SNED1: variants seen among roughly 807,000 people sequenced by gnomAD.
SNED1 encodes sushi, nidogen and EGF-like domain-containing protein 1.
A neutral mutation model predicts 166.7 loss-of-function variants in SNED1; 81 were observed. The observed-to-expected ratio is 0.49, with a 90% CI of 0.41 to 0.58. The LOEUF is 0.58. Ranked by LOEUF, SNED1 falls within the 20% of genes least tolerant of loss-of-function variation. The pLI is 0.00. For missense variants in SNED1, 1,604 were observed against 2,000.2 expected, an observed-to-expected ratio of 0.80 and a Z score of 3.78; for synonymous variants, 762 against 822.0, an observed-to-expected ratio of 0.93 and a Z score of 1.25.
chr2:241,045,013 G>A (rs1044517871), intron 8 of SNED1, among the ~76,000 whole-genome samples: 8 of 152,154 alleles, frequency 5.3e-5, no homozygotes, highest in East Asian at 1.9e-4. Context: ...CAAGTTGAAG[G>A]AATCTGTGTA....
Position 241,075,486 on chromosome 2 carries a change from T to C in SNED1, c.3916+2122T>C, listed in dbSNP as rs920220283. On this transcript the variant is annotated intron_variant, in intron 27 of 31. Transcript: ENST00000310397. This position sits in a 1 kb window ranked among gnomAD's most constrained non-coding sequence, Gnocchi z 4.8. ...ACTGATGTGACTGCGCCTCTCCTCATGGGCATCCACCAAAGGTGTTTGCTT... is the reference window on the plus strand; with the variant it reads ...ACTGATGTGACTGCGCCTCTCCTCACGGGCATCCACCAAAGGTGTTTGCTT... The C allele has an allele frequency of 5.9e-5, 9 of 152,216 alleles. No homozygotes were observed. The highest frequency in any genetic ancestry group is 5.2e-4 in the Admixed American group (8 of 15,284). The allele number at this position is 152,216 out of a possible 1,614,324, so 9.4% of individuals were successfully genotyped here. A position where few individuals can be genotyped will look rare whatever the true frequency, so the allele number is the denominator to read the frequency against.
chr2:240,998,785 G>A lies in SNED1; in HGVS notation c.-53G>A, dbSNP rs966576870. 3.1e-6 allele frequency: 3 copies of A among 955,426 alleles called. No individual in the cohort carries two copies. The highest frequency in any genetic ancestry group is 3.9e-6 in the Non-Finnish European group (3 of 777,420). The allele number at this position is 955,426 out of a possible 1,614,324, so 59.2% of individuals were successfully genotyped here. Reference sequence around the variant, plus strand: ...GCCGGCCACCCCCGCGCGCAGCCTAGTCCCCCAGCGCCCTGCTCCGCCAGC... The same window carrying A: ...GCCGGCCACCCCCGCGCGCAGCCTAATCCCCCAGCGCCCTGCTCCGCCAGC... On this transcript the variant is annotated 5_prime_UTR_variant, in exon 1 of 32. Transcript: ENST00000310397.
At position 241,088,451 on chromosome 2, in the gene SNED1, G is replaced by T. The variant is rs58025399; in HGVS notation, c.*1+49G>T. 4.9e-3 allele frequency: 7,246 copies of T among 1,491,010 alleles called. 259 individuals carry two copies. The African/African-American group carries it at 0.083, about 17-fold the overall frequency. 92.4% of individuals were successfully genotyped at this position (1,491,010 alleles called of 1,614,324 possible). A position where few individuals can be genotyped will look rare whatever the true frequency, so the allele number is the denominator to read the frequency against. On this transcript the variant is annotated intron_variant, in intron 31 of 31. Transcript: ENST00000310397. ...CACTACCACAGAGCTGCTGGGAAGT[G>T]GGGGGCGACTGCCCAGCCCCGGGAT...
At chr2:241,049,998 C>T (rs762016167) in intron 12 of SNED1, 65 bp downstream of exon 12, 6 of 1,130,142 alleles carry the variant, frequency 5.3e-6, no homozygotes, top group Admixed American at 5.2e-5. Context: ...GTCCGCCGTC[C>T]TGCTTCTCTG....
At position 241,069,080 on chromosome 2, in the gene SNED1, C is replaced by T. The variant is rs1254687146; in HGVS notation, c.3307+57C>T. 7.9e-7 allele frequency: 1 copy of T among 1,258,390 alleles called. No homozygotes were observed. Among genetic ancestry groups the T allele is most frequent in the African/African-American group, 1.5e-5 (1 of 67,288 alleles). 78.0% of individuals were successfully genotyped at this position (1,258,390 alleles called of 1,614,324 possible). ...AAAGGCCGTCTTCTAGAAGCTCTGGCTTCCTTCCAGCCTCCCCTAGTCCTC... is the reference window on the plus strand; with the variant it reads ...AAAGGCCGTCTTCTAGAAGCTCTGGTTTCCTTCCAGCCTCCCCTAGTCCTC... On this transcript the variant is annotated intron_variant, in intron 23 of 31. Coordinates refer to ENST00000310397, the MANE Select transcript of SNED1 (RefSeq NM_001080437.3). The surrounding 1 kb of genome is among the most constrained non-coding windows in gnomAD (Gnocchi z 4.9).
chr2:241,081,606 C>T, intron 27 of SNED1, 71 bp from the exon 28 acceptor site: 4 of 1,148,190 alleles, frequency 3.5e-6, no homozygotes, highest in Non-Finnish European at 5.1e-6. Context: ...AAGGAAGGGA[C>T]AGCAACATGT....
chr2:241,043,657 CTT>C (rs1217812350), intron 8 of SNED1, among the ~76,000 whole-genome samples: 1 of 152,072 alleles, frequency 6.6e-6, no homozygotes, highest in Non-Finnish European at 1.5e-5. Context: ...AATAATAAAA[CTT>C]ACATGCAGAA....
chr2:241,014,435 G>A (rs1324711311), intron 1 of SNED1, among the ~76,000 whole-genome samples: 1 of 152,202 alleles, frequency 6.6e-6, no homozygotes, highest in Non-Finnish European at 1.5e-5. Flanking sequence ...GCTGCCCAGG[G>A]CCACACCCCG....
intron 6 of SNED1, among the ~76,000 whole-genome samples, chr2:241,039,457 T>C (rs1464411318): frequency 6.6e-6 from 1 of 152,192 alleles, no homozygotes; most frequent in Non-Finnish European, 1.5e-5. Flanking sequence ...CGTCTGGCTC[T>C]GCTGGCCAGG....
chr2:241,050,527 G>A (rs878895980), intron 12 of SNED1, among the ~76,000 whole-genome samples: 16 of 152,252 alleles, frequency 1.1e-4, no homozygotes, highest in South Asian at 2.1e-4. Flanking sequence ...AGGCACCCCC[G>A]CAGCCTGGAC....
Position 240,998,925 on chromosome 2 carries a change from G to A in SNED1, c.88G>A (p.Asp30Asn), listed in dbSNP as rs1168396834. Reference sequence around the variant, plus strand: ...GGTGCGCGGCGCGGTGGCCCTTGCCGACTTCTACCCGTTCGGCGCCGAGCG... The same window carrying A: ...GGTGCGCGGCGCGGTGGCCCTTGCCAACTTCTACCCGTTCGGCGCCGAGCG... ...RGVRGAVALADFYPFGAERGD... is the reference protein window; with the variant it reads ...RGVRGAVALANFYPFGAERGD... Residue 30 changes from aspartate (D) to asparagine (N), a missense_variant, in exon 1 of 32, where the codon GAC becomes AAC. This residue lies in a region of SNED1 where 1,237 missense variants were observed against 1,620.8 expected (regional missense o/e 0.76). Coordinates refer to ENST00000310397, the MANE Select transcript of SNED1 (RefSeq NM_001080437.3). 3 of 1,259,732 alleles carry A rather than the reference G, an allele frequency of 2.4e-6. No individual in the cohort carries two copies. Among genetic ancestry groups the A allele is most frequent in the Admixed American group, 4.3e-5 (1 of 23,440 alleles). The allele number at this position is 1,259,732 out of a possible 1,614,324, so 78.0% of individuals were successfully genotyped here. A position where few individuals can be genotyped will look rare whatever the true frequency, so the allele number is the denominator to read the frequency against.
Position 241,033,697 on chromosome 2 carries a change from G to C in SNED1, c.502-38G>C, listed in dbSNP as rs1362463703. On this transcript the variant is annotated intron_variant, in intron 2 of 31. Coordinates refer to ENST00000310397, the MANE Select transcript of SNED1 (RefSeq NM_001080437.3). Reference sequence around the variant, plus strand: ...AGGGCAGGGCTTCCCTGGGCCAAGGGGAGTGCAGGGCCCTGTTCAGCCCCC... The same window carrying C: ...AGGGCAGGGCTTCCCTGGGCCAAGGCGAGTGCAGGGCCCTGTTCAGCCCCC... 3.8e-6 allele frequency: 6 copies of C among 1,591,238 alleles called. No individual in the cohort carries two copies. The East Asian group carries it at 1.4e-4, about 36-fold the overall frequency.
rs927624866 is a variant in SNED1 at position 241,093,687 on chromosome 2, T to C, written c.*2051T>C. 1.3e-5 allele frequency: 2 copies of C among 152,274 alleles called. No individual in the cohort carries two copies. Among genetic ancestry groups the C allele is most frequent in the Non-Finnish European group, 2.9e-5 (2 of 68,084 alleles). 9.4% of individuals were successfully genotyped at this position (152,274 alleles called of 1,614,324 possible). On this transcript the variant is annotated 3_prime_UTR_variant, in exon 32 of 32. Transcript: ENST00000310397. ...CAAGTGCTGTCACAGGACTTGCCCA[T>C]TGGGATGTTTTCCACATTAAATATC...
intron 1 of SNED1, among the ~76,000 whole-genome samples, chr2:241,002,096 C>T (rs951658533): frequency 4.6e-5 from 7 of 152,196 alleles, no homozygotes; most frequent in African/African-American, 1.7e-4. Flanking sequence ...AGTTCACATG[C>T]AGCCTGTGAC....
At position 241,069,412 on chromosome 2, in the gene SNED1, T is replaced by A. The variant is rs564838286; in HGVS notation, c.3307+389T>A. Among the ~76,000 whole-genome samples the A allele has an allele frequency of 6.6e-6, 1 of 151,596 alleles. No homozygotes were observed. Among genetic ancestry groups the A allele is most frequent in the African/African-American group, 2.4e-5 (1 of 41,300 alleles). ...CTGGTGTCACTAGGCCCACACCCCC[T>A]CCCCAGTGCATGGGAGGGGTGACAG... On this transcript the variant is annotated intron_variant, in intron 23 of 31. Coordinates refer to ENST00000310397, the MANE Select transcript of SNED1 (RefSeq NM_001080437.3). This position sits in a 1 kb window ranked among gnomAD's most constrained non-coding sequence, Gnocchi z 4.9.
chr2:241,016,280 C>T (rs1389036042), intron 1 of SNED1, among the ~76,000 whole-genome samples: 1 of 150,270 alleles, frequency 6.7e-6, no homozygotes, highest in Non-Finnish European at 1.5e-5. Context: ...CTGCAAGCTC[C>T]ACCACCCGGG....
intron 8 of SNED1, among the ~76,000 whole-genome samples, chr2:241,041,548 G>A (rs1309503730): frequency 5.3e-5 from 8 of 152,126 alleles, no homozygotes; most frequent in Admixed American, 5.2e-4. Flanking sequence ...AGCCAGACGT[G>A]GTGCTGCATG....
intron 1 of SNED1, among the ~76,000 whole-genome samples, chr2:241,000,563 C>T (rs1167535363): frequency 6.6e-6 from 1 of 152,192 alleles, no homozygotes; most frequent in Non-Finnish European, 1.5e-5. Context: ...GCTCCTTAAG[C>T]ATTTGGGCCA....
chr2:241,091,684 A>G lies in SNED1; in HGVS notation c.*48A>G, dbSNP rs2125358251. On this transcript the variant is annotated 3_prime_UTR_variant, in exon 32 of 32. Transcript: ENST00000310397. This position sits in a 1 kb window ranked among gnomAD's most constrained non-coding sequence, Gnocchi z 4.1. Reference sequence around the variant, plus strand: ...ACTCCACCAACCTCACGAGTTTCTAACACCCAGGAAGATGAGGTCTAAAAA... The same window carrying G: ...ACTCCACCAACCTCACGAGTTTCTAGCACCCAGGAAGATGAGGTCTAAAAA... The G allele has an allele frequency of 6.6e-6, 1 of 152,330 alleles. No homozygotes were observed. The highest frequency in any genetic ancestry group is 2.1e-4 in the South Asian group (1 of 4,826). 9.4% of individuals were successfully genotyped at this position (152,330 alleles called of 1,614,324 possible). A position where few individuals can be genotyped will look rare whatever the true frequency, so the allele number is the denominator to read the frequency against.
Sources: allele counts gnomAD v4.1 joint callset (sites outside exome capture counted in the v4.1 genomes callset), GRCh38; gene constraint gnomAD v4.1.1; regional missense constraint gnomAD v4.1.1; non-coding constraint Gnocchi (gnomAD v3.1); transcripts MANE v1.5; gene names NCBI Gene and HGNC (gene_info 2026-07-23, HGNC 2026-07-21).